The following C3orf49 variants were observed in gnomAD, a reference collection of about 807,000 sequenced individuals.
C3orf49 encodes putative uncharacterized protein C3orf49.
C3orf49 carries 27 observed loss-of-function variants against 13.3 expected under a neutral mutation model. The observed-to-expected ratio is 2.02, with a 90% CI of 1.49 to 2.79. The LOEUF is 2.79. C3orf49 is among the 30% of genes most tolerant of loss of function. The probability of loss-of-function intolerance (pLI) is 0.00; values close to 1 mark genes in which losing one functional copy is unlikely to be tolerated. For synonymous variants in C3orf49, 87 were observed against 47.6 expected, an observed-to-expected ratio of 1.83 and a Z score of -3.40; for missense variants, 242 against 134.2, an observed-to-expected ratio of 1.80 and a Z score of -3.97.
At chr3:63,809,327 TA>T in the C3orf49 span, among the ~76,000 whole-genome samples, 1 of 152,214 alleles carries the variant, frequency 6.6e-6, no homozygotes, top group Non-Finnish European at 1.5e-5. Context: ...TCAGAACTTT[TA>T]ACTACAGAAC....
chr3:63,805,484 G>T, the C3orf49 span, among the ~76,000 whole-genome samples: 1 of 152,216 alleles, frequency 6.6e-6, no homozygotes, highest in Admixed American at 6.5e-5. Flanking sequence ...TTTCACAGAG[G>T]CTGGCAGAAG....
upstream of C3orf49, among the ~76,000 whole-genome samples, chr3:63,816,764 C>CTTT (rs757549553): frequency 1.2e-3 from 94 of 80,648 alleles, no homozygotes; most frequent in African/African-American, 2.6e-3. Flanking sequence ...ATTTTCTTTT[C>CTTT]TTTTCTTTTT....
the C3orf49 span, among the ~76,000 whole-genome samples, chr3:63,799,833 T>C: frequency 6.6e-6 from 1 of 152,136 alleles, no homozygotes; most frequent in Non-Finnish European, 1.5e-5. Context: ...ACCAAGCCCA[T>C]AGTTTCCTCT....
the C3orf49 span, among the ~76,000 whole-genome samples, chr3:63,807,662 G>A: frequency 2.7e-4 from 41 of 151,956 alleles, no homozygotes; most frequent in Non-Finnish European, 5.6e-4. Context: ...TTCGAGGACA[G>A]CCTGGCCAGC....
chr3:63,787,542 T>TA, the C3orf49 span, among the ~76,000 whole-genome samples: 1 of 151,884 alleles, frequency 6.6e-6, no homozygotes, highest in South Asian at 2.1e-4. Context: ...TACCCTTTTT[T>TA]AAAAAAAAAT....
chr3:63,832,879 CT>C (rs1701552345), intron 5 of C3orf49: 1 of 151,982 alleles, frequency 6.6e-6, no homozygotes, highest in African/African-American at 2.4e-5. Context: ...TAATTTTAAA[CT>C]TTCATTTTTA....
chr3:63,794,197 A>G, the C3orf49 span, among the ~76,000 whole-genome samples: 3 of 151,432 alleles, frequency 2.0e-5, no homozygotes, highest in South Asian at 6.3e-4. Context: ...ACACACACAC[A>G]CATTGTTGGA....
At chr3:63,816,001 G>T (rs1247977480), upstream of C3orf49, among the ~76,000 whole-genome samples, 2 of 151,576 alleles carry the variant, frequency 1.3e-5, no homozygotes, top group African/African-American at 4.8e-5. Flanking sequence ...GGCCAGGATG[G>T]TCTCGATCTC....
intron 5 of C3orf49, among the ~76,000 whole-genome samples, chr3:63,841,554 G>C (rs1559604219): frequency 6.6e-6 from 1 of 152,098 alleles, no homozygotes; most frequent in Non-Finnish European, 1.5e-5. Flanking sequence ...AAGGCAGATG[G>C]CTCCAGTTTT....
chr3:63,816,581 AAAC>A (rs572357172), upstream of C3orf49, among the ~76,000 whole-genome samples: 4 of 151,094 alleles, frequency 2.6e-5, no homozygotes, highest in South Asian at 2.1e-4. Flanking sequence ...GATGCTGTTT[AAAC>A]AACAACAACA....
chr3:63,844,673 G>A (rs529739601), intron 5 of C3orf49, among the ~76,000 whole-genome samples: 1 of 152,126 alleles, frequency 6.6e-6, no homozygotes, highest in South Asian at 2.1e-4. Context: ...TGATAAAAGG[G>A]TGAGTTCAGC....
At chr3:63,843,538 A>C (rs1177315769) in intron 5 of C3orf49, among the ~76,000 whole-genome samples, 1 of 152,230 alleles carries the variant, frequency 6.6e-6, no homozygotes, top group African/African-American at 2.4e-5. Context: ...TCCAACGTTT[A>C]TAGCAGCCTT....
intron 1 of C3orf49, among the ~76,000 whole-genome samples, chr3:63,822,223 C>T (rs1701406492): frequency 6.6e-6 from 1 of 152,210 alleles, no homozygotes; most frequent in East Asian, 1.9e-4. Flanking sequence ...GATCCGCCTG[C>T]TTCGGCCTCC....
the C3orf49 span, among the ~76,000 whole-genome samples, chr3:63,805,391 A>G: frequency 6.6e-6 from 1 of 152,084 alleles, no homozygotes; most frequent in South Asian, 2.1e-4. Context: ...TAAATGTCTT[A>G]AAGATCAGTT....
chr3:63,835,374 C>G (rs1328032785), intron 5 of C3orf49: 1 of 1,613,152 alleles, frequency 6.2e-7, no homozygotes, highest in East Asian at 2.2e-5. Flanking sequence ...AATTCTTTTC[C>G]CAGAGCCTCT....
At chr3:63,812,955 G>A in the C3orf49 span, among the ~76,000 whole-genome samples, 2 of 152,114 alleles carry the variant, frequency 1.3e-5, no homozygotes, top group Admixed American at 1.3e-4. Flanking sequence ...CATTATTTCA[G>A]GATTTTCTAT....
chr3:63,791,820 T>G, the C3orf49 span, among the ~76,000 whole-genome samples: 3,490 of 152,310 alleles, frequency 0.023, 70 homozygotes, highest in South Asian at 0.081. Context: ...TTCCTTAGTC[T>G]CATAAAAATT....
At chr3:63,838,522 A>G (rs375562561) in intron 5 of C3orf49, 3 of 1,576,004 alleles carry the variant, frequency 1.9e-6, no homozygotes, top group Non-Finnish European at 2.6e-6. Flanking sequence ...AAAGAAAACC[A>G]AAATAAAGAT....
chr3:63,819,678 T>C, intron 1 of C3orf49, 82 bp downstream of exon 1: 1 of 687,324 alleles, frequency 1.5e-6, no homozygotes, highest in Non-Finnish European at 2.7e-6. Context: ...GCATTGCATT[T>C]AGGAATGAGG....
Sources: allele counts gnomAD v4.1 joint callset (sites outside exome capture counted in the v4.1 genomes callset), GRCh38; gene constraint gnomAD v4.1.1; transcripts MANE v1.5; gene names NCBI Gene and HGNC (gene_info 2026-07-23, HGNC 2026-07-21).